Variants in BABAM1 observed in about 807,000 individuals in gnomAD.
The protein encoded by BABAM1 is BRISC and BRCA1-A complex member 1.
A neutral mutation model predicts 34.4 loss-of-function variants in BABAM1; 14 were observed. The ratio of observed to expected loss-of-function variants is 0.41; its 90% CI spans 0.27 to 0.64. The LOEUF (loss-of-function observed/expected upper bound fraction) is 0.64. BABAM1 is among the 30% of genes least tolerant of loss of function. BABAM1 has a pLI of 0.34. For synonymous variants in BABAM1, 169 were observed against 165.8 expected (o/e 1.02, Z -0.15); for missense variants, 393 against 434.0 (o/e 0.91, Z 0.84).
chr19:17,269,121 A>C (rs770404437), intron 2 of BABAM1, 30 bp downstream of exon 2: 1 of 1,553,602 alleles, frequency 6.4e-7, no homozygotes, highest in Non-Finnish European at 8.7e-7. Flanking sequence ...TGGGGCTCTG[A>C]GATGCTAGGG....
At chr19:17,275,955 A>C in intron 6 of BABAM1, 130 bp downstream of exon 6, 1 of 1,030,158 alleles carries the variant, frequency 9.7e-7, no homozygotes, top group Non-Finnish European at 1.5e-6. Context: ...CGCCCCGAGC[A>C]ATTCCTCATT....
At chr19:17,270,991 C>CT (rs778538341) in intron 2 of BABAM1, among the ~76,000 whole-genome samples, 740 of 133,500 alleles carry the variant, frequency 5.5e-3, no homozygotes, top group Non-Finnish European at 6.7e-3. Flanking sequence ...CGCCTGGCCT[C>CT]TTTTTTTTTT....
intron 1 of BABAM1, 136 bp from the exon 2 acceptor site, chr19:17,268,658 A>G (rs1599487638): frequency 5.3e-6 from 5 of 944,748 alleles, no homozygotes; most frequent in East Asian, 5.5e-5. Context: ...CGAACTTCCA[A>G]CCTCAGGTGA....
In BABAM1 at chr19:17,278,828, C is replaced by G. The variant is rs1051015117; in HGVS notation, c.787-17C>G. On this transcript the variant is annotated splice_polypyrimidine_tract_variant and intron_variant, in intron 8 of 8. Transcript: ENST00000598188. ...TCTGCCTGAACAGCCCTTCACTGACCCCCGCCTCCCCGGCAGGATATGTTT... is the reference window on the plus strand; with the variant it reads ...TCTGCCTGAACAGCCCTTCACTGACGCCCGCCTCCCCGGCAGGATATGTTT... The G allele has an allele frequency of 2.5e-6, 4 of 1,604,774 alleles. No individual in the cohort carries two copies. Among genetic ancestry groups the G allele is most frequent in the Non-Finnish European group, 3.4e-6 (4 of 1,175,628 alleles).
intron 3 of BABAM1, 78 bp downstream of exon 3, chr19:17,271,733 C>T: frequency 6.7e-7 from 1 of 1,482,582 alleles, no homozygotes; most frequent in East Asian, 2.3e-5. Flanking sequence ...GGCTCTCACT[C>T]TGAAACTCAC....
rs763922306 is a variant in BABAM1, at chr19:17,276,852, T to G, written c.729T>G (p.Phe243Leu). Residue 243 changes from phenylalanine to leucine, a missense_variant, in exon 8 of 9, where the codon TTT becomes TTG. Phe to Leu is a conservative substitution (Grantham distance 22, BLOSUM62 0). Coordinates refer to ENST00000598188, the MANE Select transcript of BABAM1 (RefSeq NM_014173.4). The stretch of plus-strand genomic sequence containing the variant: ...TGTTCCAGTGCCCATATTTCTTCTT[T>G]GACGTTGTTTACATCCACAATGGCA... ...KKMFQCPYFFFDVVYIHNGTE... is the reference protein window; with the variant it reads ...KKMFQCPYFFLDVVYIHNGTE... 1.2e-6 allele frequency: 2 copies of G among 1,605,440 alleles called. No homozygotes were observed. The highest frequency in any genetic ancestry group is 1.1e-5 in the South Asian group (1 of 89,162).
At chr19:17,269,184 C>A (rs977543833) in intron 2 of BABAM1, 93 bp downstream of exon 2, 2 of 1,384,958 alleles carry the variant, frequency 1.4e-6, no homozygotes, top group Admixed American at 2.9e-5. Context: ...CCTTTGTATT[C>A]GTTACCTGTG....
chr19:17,271,562 C>T, intron 2 of BABAM1, 35 bp from the exon 3 acceptor site: 2 of 1,610,118 alleles, frequency 1.2e-6, no homozygotes, highest in Non-Finnish European at 1.7e-6. Context: ...ACGTTAAGGT[C>T]AGAGGACGCT....
chr19:17,270,844 C>A (rs141267232), intron 2 of BABAM1, among the ~76,000 whole-genome samples: 4 of 152,168 alleles, frequency 2.6e-5, no homozygotes, highest in African/African-American at 9.6e-5. Context: ...CCCGCCACCA[C>A]GCCTGGCTAA....
chr19:17,271,903 T>TA (rs796936497), intron 3 of BABAM1, among the ~76,000 whole-genome samples: 1 of 152,038 alleles, frequency 6.6e-6, no homozygotes, highest in Non-Finnish European at 1.5e-5. Context: ...ACCCCATCTC[T>TA]AAAAAAATAA....
chr19:17,270,797 C>A (rs2073831753), intron 2 of BABAM1, among the ~76,000 whole-genome samples: 1 of 152,052 alleles, frequency 6.6e-6, no homozygotes, highest in African/African-American at 2.4e-5. Context: ...ACTCCATTCT[C>A]CTGCCTCAGC....
intron 2 of BABAM1, 86 bp from the exon 3 acceptor site, chr19:17,271,511 C>T (rs2073840506): frequency 1.4e-6 from 2 of 1,445,576 alleles, no homozygotes; most frequent in Non-Finnish European, 1.9e-6. Context: ...CCTTTTCAGA[C>T]AAGGCAGCTT....
At chr19:17,271,742 A>C in intron 3 of BABAM1, 87 bp downstream of exon 3, 1 of 1,453,302 alleles carries the variant, frequency 6.9e-7, no homozygotes, top group Non-Finnish European at 9.5e-7. Flanking sequence ...TCTGAAACTC[A>C]CACCAGCTTG....
intron 2 of BABAM1, among the ~76,000 whole-genome samples, chr19:17,270,613 G>A (rs2145612395): frequency 1.4e-5 from 2 of 147,770 alleles, no homozygotes; most frequent in Admixed American, 6.8e-5. Flanking sequence ...GCAACCTCCG[G>A]CTCCCTGGTT....
intron 5 of BABAM1, chr19:17,274,456 G>A: frequency 2.2e-6 from 1 of 446,896 alleles, no homozygotes. Flanking sequence ...TAATCCCAGC[G>A]ACTTGCGAGG....
chr19:17,269,331 C>T (rs1008478432), intron 2 of BABAM1, among the ~76,000 whole-genome samples: 2 of 150,928 alleles, frequency 1.3e-5, no homozygotes, highest in Non-Finnish European at 2.9e-5. Flanking sequence ...TCTTTCTTGC[C>T]TCTTCATTTT....
intron 2 of BABAM1, among the ~76,000 whole-genome samples, chr19:17,271,310 G>A (rs1223616047): frequency 6.6e-6 from 1 of 152,100 alleles, no homozygotes; most frequent in Non-Finnish European, 1.5e-5. Context: ...ACATTCTCAG[G>A]TTCTGGGTGG....
Position 17,276,500 on chromosome 19 carries a change from A to G in BABAM1, c.575A>G (p.Gln192Arg), listed in dbSNP as rs772752367. Residue 192 changes from glutamine (Q) to arginine (R), a missense_variant, in exon 7 of 9, where the codon CAG becomes CGG. Physicochemically the swap from Gln to Arg is conservative, Grantham distance 43. Coordinates refer to ENST00000598188, the MANE Select transcript of BABAM1 (RefSeq NM_014173.4). ...CCCTCCTCCCGGGTATGCAGCCAGC[A>G]GAAAACTGAGCTTCCGGTCACAGAG... ...NLEGLFSLIQQKTELPVTENV... is the reference protein window; with the variant it reads ...NLEGLFSLIQRKTELPVTENV... 2 of 1,592,964 alleles carry G rather than the reference A, an allele frequency of 1.3e-6. No homozygotes were observed. Among genetic ancestry groups the G allele is most frequent in the East Asian group, 4.6e-5 (2 of 43,446 alleles).
At position 17,278,753 on chromosome 19, in the gene BABAM1, C is replaced by T. The variant is rs183308484; in HGVS notation, c.787-92C>T. The T allele has an allele frequency of 3.4e-5, 43 of 1,273,082 alleles. No homozygotes were observed. In the Admixed American group the frequency reaches 4.2e-4, roughly 12 times the overall value. The allele number at this position is 1,273,082 out of a possible 1,614,324, so 78.9% of individuals were successfully genotyped here. ...CCCTTTAGAACCCACCCCAGATGTC[C>T]CCTCTTCTGAGAAGCCCTCCAGGGA... On this transcript the variant is annotated intron_variant, in intron 8 of 8. Coordinates refer to ENST00000598188, the MANE Select transcript of BABAM1 (RefSeq NM_014173.4).
Sources: allele counts gnomAD v4.1 joint callset (sites outside exome capture counted in the v4.1 genomes callset), GRCh38; gene constraint gnomAD v4.1.1; transcripts MANE v1.5; gene names NCBI Gene and HGNC (gene_info 2026-07-23, HGNC 2026-07-21).